Variants in LRRC4C observed in about 807,000 individuals in gnomAD.
LRRC4C encodes leucine rich repeat containing 4C, also known as leucine-rich repeat-containing protein 4C.
Under a neutral mutation model 33.6 loss-of-function variants are expected in LRRC4C, and 5 were observed. The ratio of observed to expected loss-of-function variants is 0.15; its 90% CI spans 0.08 to 0.31. The LOEUF is 0.31. Ranked by LOEUF, LRRC4C falls within the 10% of genes least tolerant of loss-of-function variation. The pLI is 1.00. For synonymous variants in LRRC4C, 329 were observed against 302.0 expected, an observed-to-expected ratio of 1.09 and a Z score of -0.93; for missense variants, 560 against 796.7, an observed-to-expected ratio of 0.70 and a Z score of 3.58.
intron 1 of LRRC4C, among the ~76,000 whole-genome samples, chr11:41,390,656 C>A (rs1210367565): frequency 6.6e-6 from 1 of 151,892 alleles, no homozygotes; most frequent in Non-Finnish European, 1.5e-5. Flanking sequence ...CTTGAATGAA[C>A]TTCATCTGAT....
rs75039992 is a variant in LRRC4C, at chr11:40,354,515, T to C, written c.-269-34794A>G. ...AAACTAAGGAATTTACGTGATGGTC[T>C]ATTCTAATGTAGCTGAGCTGGCACC... is the stretch of plus-strand genomic sequence containing the variant. On this transcript the variant is annotated intron_variant, in intron 3 of 6. Transcript: ENST00000528697. Among the ~76,000 whole-genome samples, 762 of 152,282 alleles carry C rather than the reference T, an allele frequency of 5.0e-3. 5 individuals are homozygous for C. The highest frequency in any genetic ancestry group is 0.017 in the African/African-American group (727 of 41,572).
In LRRC4C at chr11:41,316,262, C is replaced by CAAAAAAAAAAAAAAAAAAAAAAA. The variant is rs60671406; in HGVS notation, c.-496+143168_-496+143169insTTTTTTTTTTTTTTTTTTTTTTT. Among the ~76,000 whole-genome samples the CAAAAAAAAAAAAAAAAAAAAAAA allele has an allele frequency of 4.1e-4, 32 of 78,016 alleles. 3 individuals carry two copies. Among genetic ancestry groups the CAAAAAAAAAAAAAAAAAAAAAAA allele is most frequent in the East Asian group, 6.3e-4 (1 of 1,584 alleles). 51.2% of individuals were successfully genotyped at this position (78,016 alleles called of 152,430 possible). ...GAAACCAGTAAAAATCTCTGGATGG[C>CAAAAAAAAAAAAAAAAAAAAAAA]AAAAAAAAAAAAAAAAACAAAAAAA... On this transcript the variant is annotated intron_variant, in intron 1 of 6. Coordinates refer to ENST00000528697, the MANE Select transcript of LRRC4C (RefSeq NM_001258419.2).
chr11:41,059,337 A>G (rs355257), intron 1 of LRRC4C, among the ~76,000 whole-genome samples: 1 of 151,200 alleles, frequency 6.6e-6, no homozygotes, highest in African/African-American at 2.4e-5. Context: ...AAGATGAGAA[A>G]GATAAACACA....
chr11:41,042,054 C>T (rs965446659), intron 1 of LRRC4C, among the ~76,000 whole-genome samples: 3 of 152,146 alleles, frequency 2.0e-5, no homozygotes, highest in Non-Finnish European at 4.4e-5. Context: ...GCAGAAAGAG[C>T]TTTAATCTCT....
intron 5 of LRRC4C, among the ~76,000 whole-genome samples, chr11:40,200,236 T>C (rs1385686023): frequency 1.6e-5 from 2 of 127,734 alleles, no homozygotes; most frequent in Admixed American, 1.7e-4. Context: ...TGGTGGCAGG[T>C]GCCTGTAATC....
chr11:41,188,508 G>A (rs1945795897), intron 1 of LRRC4C, among the ~76,000 whole-genome samples: 1 of 151,866 alleles, frequency 6.6e-6, no homozygotes, highest in Admixed American at 6.6e-5. Flanking sequence ...CCAAGCAGAA[G>A]TAATAGATCT....
At chr11:41,022,332 AAAAG>A (rs1488051361) in intron 1 of LRRC4C, among the ~76,000 whole-genome samples, 2 of 151,732 alleles carry the variant, frequency 1.3e-5, no homozygotes, top group Non-Finnish European at 2.9e-5. Context: ...TAGAATAAAA[AAAAG>A]AAGAAAAGAA....
chr11:40,752,267 A>G (rs1436306241), intron 2 of LRRC4C, among the ~76,000 whole-genome samples: 2 of 152,120 alleles, frequency 1.3e-5, no homozygotes, highest in African/African-American at 2.4e-5. Context: ...TCTGTTAAAA[A>G]GATTCTACAC....
intron 1 of LRRC4C, among the ~76,000 whole-genome samples, chr11:41,046,653 A>T (rs1344269934): frequency 1.3e-5 from 2 of 152,138 alleles, no homozygotes; most frequent in African/African-American, 4.8e-5. Context: ...GAGGTTGACC[A>T]TTGTGAATTA....
chr11:40,270,774 A>C (rs528119881), intron 4 of LRRC4C, among the ~76,000 whole-genome samples: 14 of 152,244 alleles, frequency 9.2e-5, no homozygotes, highest in African/African-American at 2.9e-4. Context: ...GCAATTCACT[A>C]AACAAAAACT....
chr11:40,307,402 T>C (rs1446899367), intron 4 of LRRC4C, among the ~76,000 whole-genome samples: 1 of 152,196 alleles, frequency 6.6e-6, no homozygotes, highest in Non-Finnish European at 1.5e-5. Context: ...CCTGCTCCCT[T>C]GCCTGTGTAG....
intron 3 of LRRC4C, among the ~76,000 whole-genome samples, chr11:40,363,056 G>T (rs776847894): frequency 7.9e-4 from 120 of 152,118 alleles, no homozygotes; most frequent in Non-Finnish European, 1.5e-3. Context: ...TCATTACTGG[G>T]TATATACCTA....
chr11:40,704,690 T>A (rs1024610257), intron 2 of LRRC4C, among the ~76,000 whole-genome samples: 1 of 152,100 alleles, frequency 6.6e-6, no homozygotes, highest in Admixed American at 6.6e-5. Flanking sequence ...TATCATGGGG[T>A]TATGATCAGG....
intron 1 of LRRC4C, among the ~76,000 whole-genome samples, chr11:40,993,073 A>G (rs1046504354): frequency 1.3e-5 from 2 of 152,180 alleles, no homozygotes; most frequent in African/African-American, 4.8e-5. Context: ...TTAAAATAAA[A>G]TAATAATTTT....
At chr11:40,713,677 T>C (rs1305319632) in intron 2 of LRRC4C, among the ~76,000 whole-genome samples, 3 of 152,238 alleles carry the variant, frequency 2.0e-5, no homozygotes, top group Admixed American at 2.0e-4. Context: ...GTAAGACATT[T>C]AGAAATAAAA....
intron 2 of LRRC4C, among the ~76,000 whole-genome samples, chr11:40,810,896 T>G (rs1005523957): frequency 2.6e-5 from 4 of 152,282 alleles, no homozygotes; most frequent in Admixed American, 2.0e-4. Context: ...TTCCAAAAAT[T>G]TATATCCAAT....
intron 2 of LRRC4C, among the ~76,000 whole-genome samples, chr11:40,697,865 A>C (rs557713269): frequency 3.9e-5 from 6 of 152,098 alleles, no homozygotes; most frequent in East Asian, 3.9e-4. Context: ...GTCAGGAGAT[A>C]GAGACCATCC....
chr11:40,685,524 AG>A (rs1402378439), intron 2 of LRRC4C, among the ~76,000 whole-genome samples: 1 of 151,984 alleles, frequency 6.6e-6, no homozygotes, highest in Non-Finnish European at 1.5e-5. Context: ...CAAAATTTAA[AG>A]TAAGATTTTT....
rs372157490 is a variant in LRRC4C at position 41,312,880 on chromosome 11, G to C, written c.-496+146551C>G. Among the ~76,000 whole-genome samples, 38 of 152,224 alleles carry C rather than the reference G, an allele frequency of 2.5e-4. 1 individual carries two copies. The highest frequency in any genetic ancestry group is 8.9e-4 in the African/African-American group (37 of 41,540). On this transcript the variant is annotated intron_variant, in intron 1 of 6. Transcript: ENST00000528697. ...AAAAGGTTTGAGTTTTGGTTTTGTT[G>C]GCAGTATACATAAAACGCTTCCATC...
Sources: allele counts gnomAD v4.1 joint callset (sites outside exome capture counted in the v4.1 genomes callset), GRCh38; gene constraint gnomAD v4.1.1; transcripts MANE v1.5; gene names NCBI Gene and HGNC (gene_info 2026-07-23, HGNC 2026-07-21).